Variants in GCN1 observed in about 807,000 individuals in gnomAD.
GCN1 encodes GCN1 activator of EIF2AK4, also known as stalled ribosome sensor GCN1.
Under a neutral mutation model 288.4 loss-of-function variants are expected in GCN1, and 90 were observed. That is an observed-to-expected ratio of 0.31 (90% CI 0.26 to 0.37). The LOEUF (loss-of-function observed/expected upper bound fraction) is 0.37, where lower values mean the gene tolerates loss of function less well. Ranked by LOEUF, GCN1 falls within the 10% of genes least tolerant of loss-of-function variation. GCN1 has a pLI of 1.00. For missense variants in GCN1, 2,586 were observed against 3,419.9 expected (o/e 0.76, Z 6.08); for synonymous variants, 1,386 against 1,420.2 (o/e 0.98, Z 0.54).
intron 24 of GCN1, among the ~76,000 whole-genome samples, chr12:120,159,248 T>G (rs540357399): frequency 6.6e-6 from 1 of 152,260 alleles, no homozygotes; most frequent in East Asian, 1.9e-4. Flanking sequence ...AGGTGACACT[T>G]CTGGCAGGTT....
Position 120,184,229 on chromosome 12 carries a change from C to T in GCN1, c.200G>A (p.Arg67His), listed in dbSNP as rs1434409421. The T allele has an allele frequency of 6.2e-6, 10 of 1,612,980 alleles. No homozygotes were observed. The highest frequency in any genetic ancestry group is 1.7e-5 in the Admixed American group (1 of 59,888). ...CTGGATGGCTGCCTGCAAGGCCCTGCGGGAGGCTGCATCTCTAGGGGGAGA... is the reference window on the plus strand; with the variant it reads ...CTGGATGGCTGCCTGCAAGGCCCTGTGGGAGGCTGCATCTCTAGGGGGAGA... ...TLHRYRDAAS[R>H]RALQAAIQQL... Residue 67 changes from arginine (R) to histidine (H), a missense_variant, in exon 4 of 58, where the codon CGC (arginine) becomes CAC (histidine). Transcript: ENST00000300648.
chr12:120,174,117 C>T lies in GCN1; in HGVS notation c.1146G>A (p.Leu382=). 2 of 1,610,352 alleles carry T rather than the reference C, an allele frequency of 1.2e-6. No homozygotes were observed. The highest frequency in any genetic ancestry group is 1.7e-6 in the Non-Finnish European group (2 of 1,176,524). ...HVVSGPSSQV[L]NGIVAELFIP... is the part of the protein sequence containing the mutation. ...TGAACAGCTCAGCCACGATCCCATTCAGGACCTGACTGGAAGGTCCAGACA... is the reference window on the plus strand; with the variant it reads ...TGAACAGCTCAGCCACGATCCCATTTAGGACCTGACTGGAAGGTCCAGACA... The change falls in exon 13 of 58, where the codon CTG becomes CTA. Residue 382 remains leucine (L), a synonymous_variant. Transcript: ENST00000300648.
At chr12:120,132,267 T>C (rs1229070177) in intron 53 of GCN1, among the ~76,000 whole-genome samples, 1 of 152,134 alleles carries the variant, frequency 6.6e-6, no homozygotes, top group African/African-American at 2.4e-5. Context: ...CCCCAGTGTG[T>C]ATGCATATGG....
In GCN1 at chr12:120,137,984, C is replaced by T; in HGVS notation, c.6310G>A (p.Ala2104Thr). 6.2e-7 allele frequency: 1 copy of T among 1,613,970 alleles called. No homozygotes were observed. The highest frequency in any genetic ancestry group is 8.5e-7 in the Non-Finnish European group (1 of 1,179,970). Reference protein sequence around the residue: ...LAFLSSVAGDALTRHLGVILP... With the variant: ...LAFLSSVAGDTLTRHLGVILP... ...ATCACGCCAAGATGACGGGTGAGGG[C>T]ATCACCAGCCACTGACGAAAGGAAA... The change falls in exon 48 of 58, where the codon GCC (alanine) becomes ACC (threonine). Residue 2104 changes from alanine to threonine, a missense_variant. Physicochemically the swap from Ala to Thr is moderately conservative, Grantham distance 58. Coordinates refer to ENST00000300648, the MANE Select transcript of GCN1 (RefSeq NM_006836.2). This position sits in a 1 kb window ranked among gnomAD's most constrained non-coding sequence, Gnocchi z 5.2.
intron 1 of GCN1, among the ~76,000 whole-genome samples, chr12:120,194,385 A>C (rs1241207146): frequency 6.6e-6 from 1 of 152,228 alleles, no homozygotes; most frequent in Non-Finnish European, 1.5e-5. Flanking sequence ...AAAGAAGTAG[A>C]GGCTCGGTAA....
rs769713461 is a variant in GCN1, at chr12:120,142,739, G to C, written c.5614-17C>G. 4.0e-5 allele frequency: 64 copies of C among 1,612,848 alleles called. No individual in the cohort carries two copies. In the East Asian group the frequency reaches 1.3e-3, roughly 34 times the overall value. ...GATGATCGCCTGCAGCCAGTAGAAG[G>C]GGACAGAGAGTAGTGAAGCCTCTAT... On this transcript the variant is annotated splice_polypyrimidine_tract_variant and intron_variant, in intron 43 of 57. Transcript: ENST00000300648. This position sits in a 1 kb window ranked among gnomAD's most constrained non-coding sequence, Gnocchi z 4.9.
In GCN1 at chr12:120,146,907, C is replaced by G. The variant is rs1594266369; in HGVS notation, c.4947+145G>C. 6.1e-6 allele frequency: 3 copies of G among 488,060 alleles called. No homozygotes were observed. In the East Asian group the frequency reaches 9.4e-5, roughly 15 times the overall value. The allele number at this position is 488,060 out of a possible 1,614,324, so 30.2% of individuals were successfully genotyped here. ...ATGCCCAGAGAGCCCGGATTTCCAC[C>G]ACAAAATGGCTCATTTCTCCCCATA... On this transcript the variant is annotated intron_variant, in intron 38 of 57. Transcript: ENST00000300648.
chr12:120,140,852 T>C lies in GCN1; in HGVS notation c.5994+7A>G. The C allele has an allele frequency of 6.2e-7, 1 of 1,612,408 alleles. No homozygotes were observed. Among genetic ancestry groups the C allele is most frequent in the Non-Finnish European group, 8.5e-7 (1 of 1,179,166 alleles). The stretch of plus-strand genomic sequence containing the variant: ...CACAGCTGGCGGGATCCTTGGAAGA[T>C]ACTCACGGCATCCCGGCTGGTGGAC... On this transcript the variant is annotated splice_region_variant and intron_variant, in intron 45 of 57. Transcript: ENST00000300648.
chr12:120,144,483 CACCCCCAG>C lies in GCN1; in HGVS notation c.5353-43_5353-36del, dbSNP rs773752844. ...CAGAGGGTGGGTCAGCCAGAGCTGC[CACCCCCAG>C]GCCCCCAGCCCAAAAAACATGGGGC... On this transcript the variant is annotated intron_variant, in intron 41 of 57. Transcript: ENST00000300648. The surrounding 1 kb of genome is among the most constrained non-coding windows in gnomAD (Gnocchi z 4.7). 6.3e-7 allele frequency: 1 copy of C among 1,598,852 alleles called. No individual in the cohort carries two copies. Among genetic ancestry groups the C allele is most frequent in the Non-Finnish European group, 8.5e-7 (1 of 1,171,008 alleles).
chr12:120,160,086 G>C (rs141430494), intron 23 of GCN1, 56 bp downstream of exon 23: 1 of 1,590,070 alleles, frequency 6.3e-7, no homozygotes, highest in African/African-American at 1.3e-5. Flanking sequence ...CAAGCAGCAG[G>C]ACCAAGCTGC....
At chr12:120,136,777 G>T in intron 50 of GCN1, 45 bp from the exon 51 acceptor site, 8 of 1,453,466 alleles carry the variant, frequency 5.5e-6, no homozygotes, top group Non-Finnish European at 7.7e-6. Context: ...AAACACCCTG[G>T]GCCCTGGTGT....
Position 120,173,075 on chromosome 12 carries a change from T to C in GCN1, c.1366+578A>G, listed in dbSNP as rs531339373. On this transcript the variant is annotated intron_variant, in intron 14 of 57. Transcript: ENST00000300648. ...AACCAGTCTTTTTTTTTTTTTTTTT[T>C]CCAAGACAGAGTCTTGCTCTGTTGC... 5.9e-4 allele frequency among the ~76,000 whole-genome samples: 88 copies of C among 149,348 alleles called. 1 individual carries two copies. The highest frequency in any genetic ancestry group is 2.9e-3 in the Admixed American group (44 of 14,940).
intron 15 of GCN1, among the ~76,000 whole-genome samples, chr12:120,169,276 CAAAAA>C (rs35819206): frequency 2.5e-3 from 167 of 66,644 alleles, no homozygotes; most frequent in Non-Finnish European, 4.1e-3. Context: ...AACTCCGTCT[CAAAAA>C]AAAAAAAAAA....
At position 120,156,335 on chromosome 12, in the gene GCN1, ACTT is replaced by A. The variant is rs1381244645; in HGVS notation, c.3312+123_3312+125del. 1.6e-5 allele frequency: 14 copies of A among 855,514 alleles called. No homozygotes were observed. Among genetic ancestry groups the A allele is most frequent in the South Asian group, 1.6e-4 (10 of 62,912 alleles). The allele number at this position is 855,514 out of a possible 1,614,324, so 53.0% of individuals were successfully genotyped here. A position where few individuals can be genotyped will look rare whatever the true frequency, so the allele number is the denominator to read the frequency against. On this transcript the variant is annotated intron_variant, in intron 28 of 57. Transcript: ENST00000300648. The surrounding 1 kb of genome is among the most constrained non-coding windows in gnomAD (Gnocchi z 5.8). ...TTCTCAGAGAGACCCCAACCATGTG[ACTT>A]CTTCTCTTTGCCTCTAGGCCTCCCA...
intron 26 of GCN1, 140 bp downstream of exon 26, chr12:120,157,709 C>T: frequency 2.9e-6 from 2 of 693,056 alleles, no homozygotes; most frequent in South Asian, 4.6e-5. Context: ...AAACCCACAA[C>T]ACTGTGTGAG....
At position 120,137,124 on chromosome 12, in the gene GCN1, C is replaced by T. The variant is rs1018232602; in HGVS notation, c.6777+82G>A. ...CGGCTACTGCTCCAGCAGCCCCTAC[C>T]GCAGACCTGGGACAGGGGTAAGGGC... On this transcript the variant is annotated intron_variant, in intron 50 of 57. Transcript: ENST00000300648. The surrounding 1 kb of genome is among the most constrained non-coding windows in gnomAD (Gnocchi z 5.2). 2.5e-5 allele frequency: 25 copies of T among 983,302 alleles called. No individual in the cohort carries two copies. The highest frequency in any genetic ancestry group is 1.4e-4 in the Admixed American group (8 of 57,288). The allele number at this position is 983,302 out of a possible 1,614,324, so 60.9% of individuals were successfully genotyped here.
At chr12:120,183,221 A>C (rs1317875883) in intron 5 of GCN1, among the ~76,000 whole-genome samples, 1 of 152,216 alleles carries the variant, frequency 6.6e-6, no homozygotes, top group Non-Finnish European at 1.5e-5. Flanking sequence ...GAGGATTTAC[A>C]CTATGATATT....
chr12:120,166,701 C>A (rs2139121412), intron 16 of GCN1, among the ~76,000 whole-genome samples: 1 of 141,914 alleles, frequency 7.0e-6, no homozygotes, highest in Admixed American at 7.1e-5. Flanking sequence ...GAGACTCTGT[C>A]TCAAAAAAAA....
intron 14 of GCN1, 39 bp downstream of exon 14, chr12:120,173,614 G>A (rs992382575): frequency 1.5e-5 from 19 of 1,302,312 alleles, no homozygotes; most frequent in Non-Finnish European, 2.1e-5. Flanking sequence ...AGTAACCTCT[G>A]CAAGGAGACC....
Sources: gnomAD v4.1 joint callset for allele counts (sites outside exome capture counted in the v4.1 genomes callset) on GRCh38, gnomAD v4.1.1 for gene constraint, Gnocchi (gnomAD v3.1) non-coding constraint, MANE v1.5 for transcripts, NCBI Gene and HGNC (gene_info 2026-07-23, HGNC 2026-07-21) for gene names.